DNAAF11: variants seen among roughly 807,000 people sequenced by gnomAD.
The protein encoded by DNAAF11 is leucine rich repeat containing 6.
In DNAAF11, 45 loss-of-function variants were observed where a neutral mutation model predicts 60.8. That is an observed-to-expected ratio of 0.74 (90% CI 0.58 to 0.95). The LOEUF is 0.95. Among genes scored for constraint, DNAAF11 ranks in the 40% least tolerant of loss-of-function variants. DNAAF11 has a pLI of 0.00. For missense variants in DNAAF11, 546 were observed against 546.2 expected (o/e 1.00, Z 0.00); for synonymous variants, 191 against 183.5 (o/e 1.04, Z -0.33).
chr8:132,687,893 G>T, the DNAAF11 span, among the ~76,000 whole-genome samples: 6 of 152,156 alleles, frequency 3.9e-5, no homozygotes, highest in East Asian at 1.2e-3. Context: ...TAGCTTTCTT[G>T]AGAGTATTTA....
At chr8:132,640,044 T>G (rs974254729) in intron 3 of DNAAF11, among the ~76,000 whole-genome samples, 1 of 152,226 alleles carries the variant, frequency 6.6e-6, no homozygotes, top group Admixed American at 6.5e-5. Flanking sequence ...TCTGGCATTC[T>G]ACAAGATTTG....
chr8:132,606,573 T>C (rs908146867), intron 10 of DNAAF11, among the ~76,000 whole-genome samples: 3 of 152,214 alleles, frequency 2.0e-5, no homozygotes, highest in Admixed American at 2.0e-4. Flanking sequence ...CTGGACCTCC[T>C]AGGCTCAATG....
the DNAAF11 span, chr8:132,684,987 C>G: frequency 6.6e-6 from 1 of 151,236 alleles, no homozygotes; most frequent in African/African-American, 2.4e-5. Flanking sequence ...CAATGAAGAC[C>G]CTATTAATCC....
chr8:132,630,640 G>A (rs573811491), intron 5 of DNAAF11, among the ~76,000 whole-genome samples: 18 of 152,092 alleles, frequency 1.2e-4, no homozygotes, highest in Non-Finnish European at 1.2e-4. Context: ...ACCAAAGAAT[G>A]TATTTTTTTA....
At chr8:132,610,824 A>T (rs183393573) in intron 9 of DNAAF11, among the ~76,000 whole-genome samples, 2 of 152,146 alleles carry the variant, frequency 1.3e-5, no homozygotes, top group Non-Finnish European at 2.9e-5. Flanking sequence ...ATGATACAAA[A>T]CCATGTGCTA....
intron 3 of DNAAF11, among the ~76,000 whole-genome samples, chr8:132,649,210 A>G (rs960069035): frequency 6.6e-6 from 1 of 152,136 alleles, no homozygotes; most frequent in Non-Finnish European, 1.5e-5. Flanking sequence ...CAGAAATAAC[A>G]CCACACATCT....
chr8:132,584,700 A>C (rs1037239700), intron 10 of DNAAF11, among the ~76,000 whole-genome samples: 3 of 151,998 alleles, frequency 2.0e-5, no homozygotes, highest in Non-Finnish European at 4.4e-5. Flanking sequence ...GGAATGACTC[A>C]TTCACCTGCC....
At chr8:132,645,322 C>G (rs1016781056) in intron 3 of DNAAF11, among the ~76,000 whole-genome samples, 5 of 152,284 alleles carry the variant, frequency 3.3e-5, no homozygotes, top group African/African-American at 1.2e-4. Context: ...CACACCAAAA[C>G]CCCATCTGTA....
chr8:132,661,128 T>C lies in DNAAF11; in HGVS notation c.178+332A>G, dbSNP rs550808058. On this transcript the variant is annotated intron_variant, in intron 2 of 11. Coordinates refer to ENST00000620350, the MANE Select transcript of DNAAF11 (RefSeq NM_012472.6). ...ATTCTCATATAAATTTGTTTTGCAG[T>C]GTGATGTAAAATGATGACAAATGCC... 2.6e-5 allele frequency among the ~76,000 whole-genome samples: 4 copies of C among 152,208 alleles called. No individual in the cohort carries two copies. The East Asian group carries it at 7.7e-4, about 29-fold the overall frequency.
At chr8:132,653,166 A>C (rs1823194963) in intron 3 of DNAAF11, among the ~76,000 whole-genome samples, 1 of 152,196 alleles carries the variant, frequency 6.6e-6, no homozygotes, top group Non-Finnish European at 1.5e-5. Context: ...GGGAGATTTA[A>C]AAAACACAAA....
At chr8:132,584,805 C>T (rs1414266143) in intron 10 of DNAAF11, among the ~76,000 whole-genome samples, 1 of 152,090 alleles carries the variant, frequency 6.6e-6, no homozygotes, top group East Asian at 1.9e-4. Flanking sequence ...AGCTGTGATC[C>T]AGGTTCATGC....
chr8:132,572,947 A>G (rs1049870492), intron 11 of DNAAF11, among the ~76,000 whole-genome samples: 4 of 152,176 alleles, frequency 2.6e-5, no homozygotes, highest in African/African-American at 9.7e-5. Flanking sequence ...CGGCAAGTTC[A>G]GGTGCATAGT....
chr8:132,619,457 A>AT (rs980291613), intron 7 of DNAAF11, among the ~76,000 whole-genome samples: 31 of 122,392 alleles, frequency 2.5e-4, no homozygotes, highest in African/African-American at 9.6e-4. Context: ...ATAATAATAA[A>AT]TTAAAAAAAA....
intron 3 of DNAAF11, among the ~76,000 whole-genome samples, chr8:132,648,317 T>C (rs756588249): frequency 6.6e-6 from 1 of 152,288 alleles, no homozygotes; most frequent in Non-Finnish European, 1.5e-5. Flanking sequence ...CAGCCCTTCA[T>C]GCGAAAAACT....
chr8:132,645,732 T>C (rs1211241712), intron 3 of DNAAF11, among the ~76,000 whole-genome samples: 1 of 151,910 alleles, frequency 6.6e-6, no homozygotes, highest in Non-Finnish European at 1.5e-5. Flanking sequence ...GAAGAAGGGG[T>C]ATCAGTGACT....
intron 3 of DNAAF11, among the ~76,000 whole-genome samples, chr8:132,639,738 T>C (rs1162929613): frequency 2.0e-5 from 3 of 152,216 alleles, no homozygotes; most frequent in African/African-American, 7.2e-5. Context: ...ACCTCTATCT[T>C]AGAACTTCCA....
intron 7 of DNAAF11, among the ~76,000 whole-genome samples, chr8:132,620,917 G>A (rs1178366299): frequency 6.6e-6 from 1 of 152,170 alleles, no homozygotes; most frequent in Non-Finnish European, 1.5e-5. Flanking sequence ...GCCGGTTGGG[G>A]AACTGAGAGG....
intron 11 of DNAAF11, among the ~76,000 whole-genome samples, chr8:132,577,041 T>G (rs1814825904): frequency 6.6e-6 from 1 of 152,006 alleles, no homozygotes. Context: ...ATCATAAGAG[T>G]GAAACTTTCA....
chr8:132,651,013 T>G (rs895678201), intron 3 of DNAAF11, among the ~76,000 whole-genome samples: 2 of 152,238 alleles, frequency 1.3e-5, no homozygotes, highest in African/African-American at 2.4e-5. Flanking sequence ...CTTGCCAAAC[T>G]GGCCAAGCTT....
Sources: allele counts gnomAD v4.1 joint callset (sites outside exome capture counted in the v4.1 genomes callset), GRCh38; gene constraint gnomAD v4.1.1; transcripts MANE v1.5; gene names NCBI Gene and HGNC (gene_info 2026-07-23, HGNC 2026-07-21).